The following RPH3AL variants were observed in gnomAD, a reference collection of about 807,000 sequenced individuals.
RPH3AL encodes the protein rabphilin 3A like (without C2 domains), also known as rab effector Noc2.
Under a neutral mutation model 43.1 loss-of-function variants are expected in RPH3AL, and 38 were observed. That is an observed-to-expected ratio of 0.88 (90% CI 0.68 to 1.15). The LOEUF (loss-of-function observed/expected upper bound fraction) is 1.15, where lower values mean the gene tolerates loss of function less well. Ranked by LOEUF, RPH3AL falls within the 50% of genes most tolerant of loss-of-function variation. The pLI is 0.00. For missense variants in RPH3AL, 462 were observed against 423.2 expected, an observed-to-expected ratio of 1.09 and a Z score of -0.81; for synonymous variants, 189 against 176.3, an observed-to-expected ratio of 1.07 and a Z score of -0.57.
intron 5 of RPH3AL, among the ~76,000 whole-genome samples, chr17:295,365 G>A (rs200604633): frequency 0.066 from 2,507 of 38,050 alleles, 2 homozygotes; most frequent in East Asian, 0.097. Context: ...CGGGCAGAGG[G>A]AATGCACATC....
In RPH3AL at chr17:296,763, A is replaced by T. The variant is rs73971686; in HGVS notation, c.352-14909T>A. Among the ~76,000 whole-genome samples the T allele has an allele frequency of 4.6e-5, 7 of 152,312 alleles. No homozygotes were observed. In the East Asian group the frequency reaches 5.8e-4, roughly 13 times the overall value. ...ATTGTTTTGAAACTTCAAGTCACAT[A>T]TGAAAAAAAGGGTGTGGAAGGGTTC... On this transcript the variant is annotated intron_variant, in intron 5 of 9. Coordinates refer to ENST00000331302, the MANE Select transcript of RPH3AL (RefSeq NM_006987.4).
chr17:327,554 A>C lies in RPH3AL; in HGVS notation c.-11T>G. ...GATGGTGTCGGCCATGGCTCGGAGCACCCGGCTGGGGGTGGGGAGTCACAT... is the reference window on the plus strand; with the variant it reads ...GATGGTGTCGGCCATGGCTCGGAGCCCCCGGCTGGGGGTGGGGAGTCACAT... On this transcript the variant is annotated 5_prime_UTR_variant, in exon 3 of 10. Coordinates refer to ENST00000331302, the MANE Select transcript of RPH3AL (RefSeq NM_006987.4). 1 of 1,613,248 alleles carries C rather than the reference A, an allele frequency of 6.2e-7. No individual in the cohort carries two copies. The highest frequency in any genetic ancestry group is 1.1e-5 in the South Asian group (1 of 91,062).
chr17:338,235 G>T (rs1200226741), intron 1 of RPH3AL, among the ~76,000 whole-genome samples: 2 of 152,162 alleles, frequency 1.3e-5, no homozygotes, highest in African/African-American at 4.8e-5. Context: ...GCCAAGGCAG[G>T]AGGATCGTTT....
rs2041719278 is a variant in RPH3AL at position 245,112 on chromosome 17, T to C, written c.613+1999A>G. ...GTGTGTGTAGACGTGTGTGTACATG[T>C]GGATGTGTGTGTGGATGTGTGTGTC... On this transcript the variant is annotated intron_variant, in intron 7 of 9. Coordinates refer to ENST00000331302, the MANE Select transcript of RPH3AL (RefSeq NM_006987.4). This position sits in a 1 kb window ranked among gnomAD's most constrained non-coding sequence, Gnocchi z 5.9. 6.6e-6 allele frequency among the ~76,000 whole-genome samples: 1 copy of C among 150,890 alleles called. No individual in the cohort carries two copies. Among genetic ancestry groups the C allele is most frequent in the African/African-American group, 2.4e-5 (1 of 40,862 alleles).
chr17:258,695 C>G (rs781803528), intron 6 of RPH3AL, among the ~76,000 whole-genome samples: 12 of 151,894 alleles, frequency 7.9e-5, no homozygotes, highest in Non-Finnish European at 1.5e-4. Flanking sequence ...ATGAAGAGCA[C>G]AGGACCCAAA....
At chr17:271,276 T>C (rs1474841181) in intron 6 of RPH3AL, among the ~76,000 whole-genome samples, 4 of 152,214 alleles carry the variant, frequency 2.6e-5, no homozygotes, top group Non-Finnish European at 5.9e-5. Context: ...TTTGGTTCCA[T>C]ATGAACTTTA....
chr17:235,254 G>GT lies in RPH3AL; in HGVS notation c.613+11856dup, dbSNP rs1435057948. ...TCCGCACTAACAAGACGGGTCCAGG[G>GT]TCCAAAGCTGGGGTCGGCCGAGGCT... is the stretch of plus-strand genomic sequence containing the variant. On this transcript the variant is annotated intron_variant, in intron 7 of 9. Transcript: ENST00000331302. 6.2e-5 allele frequency among the ~76,000 whole-genome samples: 9 copies of GT among 145,618 alleles called. 2 individuals are homozygous for GT. Among genetic ancestry groups the GT allele is most frequent in the Admixed American group, 1.4e-4 (2 of 14,536 alleles).
intron 6 of RPH3AL, among the ~76,000 whole-genome samples, chr17:250,307 C>T (rs1471110538): frequency 1.7e-5 from 2 of 121,204 alleles, no homozygotes; most frequent in African/African-American, 6.4e-5. Context: ...TGCTGCGGGA[C>T]CTCTCAGAGC....
At chr17:343,907 C>G (rs76181809) in intron 1 of RPH3AL, among the ~76,000 whole-genome samples, 1 of 129,372 alleles carries the variant, frequency 7.7e-6, no homozygotes. Flanking sequence ...CAGGGTAGGG[C>G]CATCATGGCC....
intron 5 of RPH3AL, among the ~76,000 whole-genome samples, chr17:307,758 C>T (rs1023724509): frequency 1.3e-5 from 2 of 152,238 alleles, no homozygotes; most frequent in Admixed American, 1.3e-4. Context: ...CAGCAGTGTG[C>T]TGGGGTGAAC....
At chr17:266,235 C>CATGT (rs1567598496) in intron 6 of RPH3AL, among the ~76,000 whole-genome samples, 1 of 150,778 alleles carries the variant, frequency 6.6e-6, no homozygotes, top group African/African-American at 2.5e-5. Context: ...TGTGTGCGTG[C>CATGT]ACCTGCATGC....
chr17:285,984 G>C (rs919953275), intron 5 of RPH3AL, among the ~76,000 whole-genome samples: 1 of 152,220 alleles, frequency 6.6e-6, no homozygotes, highest in African/African-American at 2.4e-5. Context: ...AACAGGGTGG[G>C]GCCCAGGCCC....
At chr17:327,418 C>T in intron 3 of RPH3AL, 49 bp downstream of exon 3, 1 of 1,488,974 alleles carries the variant, frequency 6.7e-7, no homozygotes, top group Non-Finnish European at 9.4e-7. Flanking sequence ...AGGAGAGGAG[C>T]AGGGAGGCAG....
chr17:329,337 G>T (rs1046998425), intron 2 of RPH3AL, among the ~76,000 whole-genome samples: 2 of 152,126 alleles, frequency 1.3e-5, no homozygotes, highest in Admixed American at 6.6e-5. Flanking sequence ...TTAGCTGGGT[G>T]TGGTGGCGAG....
chr17:243,404 T>C (rs2041635135), intron 7 of RPH3AL, among the ~76,000 whole-genome samples: 1 of 142,394 alleles, frequency 7.0e-6, no homozygotes, highest in Non-Finnish European at 1.5e-5. Flanking sequence ...CTCTATTGAC[T>C]ACCTTCCTCT....
intron 1 of RPH3AL, chr17:349,231 G>A (rs1217843371): frequency 6.6e-6 from 1 of 152,132 alleles, no homozygotes; most frequent in Admixed American, 6.6e-5. Flanking sequence ...CAGAGAACTA[G>A]GGTAATTGGG....
chr17:352,443 C>T (rs374172960), intron 1 of RPH3AL: 5 of 152,072 alleles, frequency 3.3e-5, no homozygotes, highest in African/African-American at 1.2e-4. Flanking sequence ...CCCCGGCTGC[C>T]TCTTCTTTAG....
intron 5 of RPH3AL, among the ~76,000 whole-genome samples, chr17:310,523 G>C (rs1331350739): frequency 5.9e-5 from 9 of 152,266 alleles, no homozygotes; most frequent in Non-Finnish European, 1.5e-5. Flanking sequence ...AGGGCCCCAG[G>C]CTGCAGCCAT....
At chr17:218,170 A>G (rs2040857350) in intron 8 of RPH3AL, among the ~76,000 whole-genome samples, 1 of 148,748 alleles carries the variant, frequency 6.7e-6, no homozygotes, top group African/African-American at 2.4e-5. Context: ...CATCTGGGGC[A>G]GTTATTACAG....
Sources: allele counts gnomAD v4.1 joint callset (sites outside exome capture counted in the v4.1 genomes callset), GRCh38; gene constraint gnomAD v4.1.1; non-coding constraint Gnocchi (gnomAD v3.1); transcripts MANE v1.5; gene names NCBI Gene and HGNC (gene_info 2026-07-23, HGNC 2026-07-21).